Variants in SLC35F4 observed in about 807,000 individuals in gnomAD.
The protein encoded by SLC35F4 is solute carrier family 35 member F4.
SLC35F4 carries 24 observed loss-of-function variants against 44.2 expected under a neutral mutation model. The observed-to-expected ratio is 0.54, with a 90% CI of 0.39 to 0.76. SLC35F4 has a LOEUF of 0.76. SLC35F4 is among the 30% of genes least tolerant of loss of function. The pLI is 0.00. For synonymous variants in SLC35F4, 238 were observed against 223.6 expected (o/e 1.06, Z -0.57); for missense variants, 562 against 586.1 (o/e 0.96, Z 0.42).
chr14:57,769,952 T>C (rs1023262875), intron 1 of SLC35F4, among the ~76,000 whole-genome samples: 8 of 152,230 alleles, frequency 5.3e-5, no homozygotes. Flanking sequence ...ATGCTTTGCA[T>C]TAATCATTTA....
chr14:57,606,749 C>T (rs143688010), intron 1 of SLC35F4, among the ~76,000 whole-genome samples: 11 of 152,318 alleles, frequency 7.2e-5, no homozygotes, highest in Non-Finnish European at 1.2e-4. Context: ...CTCCCTGGTA[C>T]GCTCTCCTGG....
chr14:57,740,203 T>A (rs1371311694), intron 1 of SLC35F4, among the ~76,000 whole-genome samples: 3 of 152,156 alleles, frequency 2.0e-5, no homozygotes, highest in African/African-American at 7.2e-5. Flanking sequence ...GACTACTGTA[T>A]CTAATTGAAA....
chr14:57,865,839 C>A lies in SLC35F4; in HGVS notation c.-14G>T, dbSNP rs1366555441. The A allele has an allele frequency of 6.7e-7, 1 of 1,491,894 alleles. No homozygotes were observed. The highest frequency in any genetic ancestry group is 2.2e-5 in the Admixed American group (1 of 45,642). The allele number at this position is 1,491,894 out of a possible 1,614,324, so 92.4% of individuals were successfully genotyped here. ...CTTGACATCCATAGAGAGCGCGGGGCGACGGCCCCGAGTGCGGCGGGGCGG... is the reference window on the plus strand; with the variant it reads ...CTTGACATCCATAGAGAGCGCGGGGAGACGGCCCCGAGTGCGGCGGGGCGG... On this transcript the variant is annotated 5_prime_UTR_variant, in exon 1 of 8. Transcript: ENST00000556826.
chr14:57,634,243 G>GT (rs1426252364), intron 1 of SLC35F4, among the ~76,000 whole-genome samples: 1 of 152,130 alleles, frequency 6.6e-6, no homozygotes, highest in African/African-American at 2.4e-5. Context: ...TTAATAAAAT[G>GT]TAAGTTGTGA....
At chr14:57,825,061 G>T (rs1411870982) in intron 1 of SLC35F4, among the ~76,000 whole-genome samples, 1 of 152,074 alleles carries the variant, frequency 6.6e-6, no homozygotes, top group Non-Finnish European at 1.5e-5. Context: ...TGGCAAGAAA[G>T]GTCAGTTTGG....
intron 1 of SLC35F4, among the ~76,000 whole-genome samples, chr14:57,946,361 AGC>A (rs1890025593): frequency 2.0e-5 from 3 of 151,826 alleles, no homozygotes; most frequent in African/African-American, 7.3e-5. Context: ...CAATTATCCC[AGC>A]ACTTTTTGTT....
At chr14:57,911,043 A>G (rs551547310) in intron 1 of SLC35F4, among the ~76,000 whole-genome samples, 1 of 152,062 alleles carries the variant, frequency 6.6e-6, no homozygotes, top group South Asian at 2.1e-4. Context: ...TGTAAATTGT[A>G]ATGTGTTTTA....
At chr14:57,824,243 G>A (rs1381877562) in intron 1 of SLC35F4, among the ~76,000 whole-genome samples, 2 of 151,944 alleles carry the variant, frequency 1.3e-5, no homozygotes, top group African/African-American at 2.4e-5. Flanking sequence ...TTGAAAGTTA[G>A]CATACATGCT....
At chr14:57,775,259 A>AC (rs1180684560) in intron 1 of SLC35F4, among the ~76,000 whole-genome samples, 9 of 152,286 alleles carry the variant, frequency 5.9e-5, no homozygotes, top group African/African-American at 2.2e-4. Flanking sequence ...GAACCCCAGC[A>AC]CCCACTAGCA....
At chr14:57,571,822 T>C in intron 5 of SLC35F4, 72 bp downstream of exon 5, 2 of 1,528,620 alleles carry the variant, frequency 1.3e-6, no homozygotes, top group African/African-American at 2.8e-5. Flanking sequence ...GATTACATCG[T>C]ACTTTCTTAC....
chr14:57,660,852 A>G (rs1272529734), intron 1 of SLC35F4, among the ~76,000 whole-genome samples: 2 of 152,164 alleles, frequency 1.3e-5, no homozygotes, highest in African/African-American at 2.4e-5. Flanking sequence ...ACCTGGGGCG[A>G]GAAACCCTCA....
intron 1 of SLC35F4, among the ~76,000 whole-genome samples, chr14:57,864,433 C>T (rs1391435431): frequency 6.6e-6 from 1 of 152,108 alleles, no homozygotes; most frequent in African/African-American, 2.4e-5. Flanking sequence ...AGAAACCATC[C>T]AAATCAGATA....
At chr14:57,637,645 A>T (rs1191734204) in intron 1 of SLC35F4, among the ~76,000 whole-genome samples, 1 of 152,156 alleles carries the variant, frequency 6.6e-6, no homozygotes, top group Non-Finnish European at 1.5e-5. Context: ...TGCCTCTAAA[A>T]GGAATTACCA....
intron 1 of SLC35F4, among the ~76,000 whole-genome samples, chr14:57,743,358 A>C (rs1895550548): frequency 1.3e-5 from 2 of 152,220 alleles, no homozygotes; most frequent in Admixed American, 6.5e-5. Context: ...AGAGAGAAGA[A>C]TCAAATAGAC....
chr14:57,782,379 C>CAAA (rs76733800), intron 1 of SLC35F4, among the ~76,000 whole-genome samples: 16,314 of 138,664 alleles, frequency 0.12, 1,883 homozygotes, highest in African/African-American at 0.31. Flanking sequence ...CTAGAAATAT[C>CAAA]AAAAAAAAAA....
upstream of SLC35F4, among the ~76,000 whole-genome samples, chr14:57,869,201 T>TG (rs1488720633): frequency 6.6e-6 from 1 of 150,814 alleles, no homozygotes; most frequent in Non-Finnish European, 1.5e-5. Context: ...GTTGTGGTTT[T>TG]TTTTTTTTTT....
chr14:57,722,381 G>A (rs2076106212), intron 1 of SLC35F4, among the ~76,000 whole-genome samples: 1 of 152,166 alleles, frequency 6.6e-6, no homozygotes, highest in Non-Finnish European at 1.5e-5. Context: ...TGGTGGAGTG[G>A]ATTAGTCACT....
chr14:57,825,912 C>A (rs1447328013), intron 1 of SLC35F4, among the ~76,000 whole-genome samples: 1 of 152,128 alleles, frequency 6.6e-6, no homozygotes, highest in Non-Finnish European at 1.5e-5. Flanking sequence ...CAGAAAGAAT[C>A]AATATCACAA....
intron 1 of SLC35F4, among the ~76,000 whole-genome samples, chr14:57,943,955 A>G (rs1243260686): frequency 6.6e-6 from 1 of 152,088 alleles, no homozygotes; most frequent in African/African-American, 2.4e-5. Context: ...GACCACGCCA[A>G]TGGGAGAGAT....
Sources: allele counts gnomAD v4.1 joint callset (sites outside exome capture counted in the v4.1 genomes callset), GRCh38; gene constraint gnomAD v4.1.1; transcripts MANE v1.5; gene names NCBI Gene and HGNC (gene_info 2026-07-23, HGNC 2026-07-21).